Variants in CDK19 observed in about 807,000 individuals in gnomAD.
CDK19 encodes cyclin dependent kinase 19.
In CDK19, 20 loss-of-function variants were observed where a neutral mutation model predicts 68.3. The observed-to-expected ratio is 0.29, with a 90% CI of 0.21 to 0.43. The LOEUF is 0.43. CDK19 is among the 20% of genes least tolerant of loss of function. The pLI, the probability that CDK19 is intolerant of heterozygous loss-of-function variation, is 1.00. For missense variants in CDK19, 339 were observed against 623.5 expected (o/e 0.54, Z 4.86); for synonymous variants, 221 against 222.8 (o/e 0.99, Z 0.07).
At chr6:110,705,962 G>A (rs1329095099) in intron 2 of CDK19, among the ~76,000 whole-genome samples, 3 of 152,026 alleles carry the variant, frequency 2.0e-5, no homozygotes, top group Non-Finnish European at 4.4e-5. Context: ...AAACCTGCAC[G>A]TTCTACACAT....
At chr6:110,768,520 A>C (rs544631906) in intron 1 of CDK19, among the ~76,000 whole-genome samples, 7 of 152,346 alleles carry the variant, frequency 4.6e-5, no homozygotes, top group African/African-American at 1.7e-4. Context: ...GATAAACTTG[A>C]TATGTCCAGA....
intron 2 of CDK19, among the ~76,000 whole-genome samples, chr6:110,701,551 C>CA (rs1166831323): frequency 1.1e-3 from 139 of 123,430 alleles, no homozygotes; most frequent in East Asian, 1.4e-3. Context: ...GACTCTGTCT[C>CA]AAAAAAAAAA....
At chr6:110,650,316 C>T (rs1780883276) in intron 4 of CDK19, among the ~76,000 whole-genome samples, 2 of 152,126 alleles carry the variant, frequency 1.3e-5, no homozygotes, top group South Asian at 2.1e-4. Flanking sequence ...ACAGGGGAAA[C>T]ATAAACATAA....
intron 2 of CDK19, among the ~76,000 whole-genome samples, chr6:110,702,276 T>A (rs1051896396): frequency 2.0e-5 from 3 of 152,008 alleles, no homozygotes; most frequent in Admixed American, 1.3e-4. Context: ...TGAGACCTCA[T>A]CTCTACAAAA....
chr6:110,801,338 A>T (rs943869165), intron 1 of CDK19, among the ~76,000 whole-genome samples: 3 of 152,056 alleles, frequency 2.0e-5, no homozygotes, highest in African/African-American at 7.2e-5. Context: ...TTTAAAAAGT[A>T]GCCAGGCTTA....
chr6:110,744,429 G>A (rs903949650), intron 2 of CDK19, among the ~76,000 whole-genome samples: 4 of 152,080 alleles, frequency 2.6e-5, no homozygotes, highest in Admixed American at 2.6e-4. Context: ...CAGCACTTTG[G>A]GAGGCCAAGG....
In CDK19 at chr6:110,788,076, G is replaced by A. The variant is rs189426914; in HGVS notation, c.128+26933C>T. Among the ~76,000 whole-genome samples, 446 of 152,228 alleles carry A rather than the reference G, an allele frequency of 2.9e-3. 4 individuals are homozygous for A. The highest frequency in any genetic ancestry group is 9.9e-3 in the African/African-American group (412 of 41,542). ...GCTGGTCTTGAACTCCTGACCTCACGTGATCTGCCCACCTCGGCCTCCCAA... is the reference window on the plus strand; with the variant it reads ...GCTGGTCTTGAACTCCTGACCTCACATGATCTGCCCACCTCGGCCTCCCAA... On this transcript the variant is annotated intron_variant, in intron 1 of 12. Coordinates refer to ENST00000368911, the MANE Select transcript of CDK19 (RefSeq NM_015076.5).
At chr6:110,713,091 G>A (rs998322132) in intron 2 of CDK19, among the ~76,000 whole-genome samples, 2 of 151,780 alleles carry the variant, frequency 1.3e-5, no homozygotes, top group Non-Finnish European at 2.9e-5. Context: ...CAGCTACTTA[G>A]GAGGCTGACA....
At chr6:110,772,567 A>G (rs1385895128) in intron 1 of CDK19, among the ~76,000 whole-genome samples, 3 of 152,220 alleles carry the variant, frequency 2.0e-5, no homozygotes, top group Non-Finnish European at 4.4e-5. Flanking sequence ...TTCAGAATCT[A>G]TCTAAAAACT....
chr6:110,746,275 G>A, intron 1 of CDK19, 74 bp from the exon 2 acceptor site: 2 of 828,826 alleles, frequency 2.4e-6, no homozygotes, highest in Non-Finnish European at 3.9e-6. Flanking sequence ...CAAAAACAAT[G>A]GAAATGCACT....
rs1770903879 is a variant in CDK19, at chr6:110,670,534, C to T, written c.212G>A (p.Arg71Gln). The T allele has an allele frequency of 2.5e-6, 4 of 1,601,868 alleles. No homozygotes were observed. The highest frequency in any genetic ancestry group is 3.4e-6 in the Non-Finnish European group (4 of 1,169,004). ...MSACREIALLRELKHPNVIAL... is the reference protein window; with the variant it reads ...MSACREIALLQELKHPNVIAL... ...AATCACATTAGGGTGCTTCAATTCT[C>T]GCAAAAGCTGAATGCAAAAGAAAGA... The change falls in exon 3 of 13, where the codon CGA (arginine) becomes CAA (glutamine). Residue 71 changes from arginine to glutamine, a missense_variant. Physicochemically the swap from Arg to Gln is conservative, Grantham distance 43. Coordinates refer to ENST00000368911, the MANE Select transcript of CDK19 (RefSeq NM_015076.5).
intron 1 of CDK19, among the ~76,000 whole-genome samples, chr6:110,781,990 A>G (rs921660534): frequency 2.2e-4 from 33 of 152,206 alleles, no homozygotes; most frequent in Non-Finnish European, 3.5e-4. Context: ...AACTTTGTGA[A>G]GTTTAAAAGC....
At chr6:110,641,639 G>A in intron 4 of CDK19, among the ~76,000 whole-genome samples, 1 of 89,802 alleles carries the variant, frequency 1.1e-5, no homozygotes, top group East Asian at 3.6e-4. Flanking sequence ...AAGGAGGAAA[G>A]GGAAAGAAAG....
At position 110,759,784 on chromosome 6, in the gene CDK19, C is replaced by A. The variant is rs796598413; in HGVS notation, c.129-13583G>T. ...TTCCATATAAATTGACCTGAATTCA[C>A]CTGTATGAAAGGTCAGGTTAACCTG... On this transcript the variant is annotated intron_variant, in intron 1 of 12. Coordinates refer to ENST00000368911, the MANE Select transcript of CDK19 (RefSeq NM_015076.5). 5.3e-5 allele frequency among the ~76,000 whole-genome samples: 8 copies of A among 151,906 alleles called. No homozygotes were observed. The South Asian group carries it at 1.3e-3, about 24-fold the overall frequency.
At chr6:110,804,030 G>A (rs956555259) in intron 1 of CDK19, among the ~76,000 whole-genome samples, 2 of 152,074 alleles carry the variant, frequency 1.3e-5, no homozygotes, top group East Asian at 1.9e-4. Context: ...AGAAAGGGAC[G>A]GAGGGAGGGA....
At chr6:110,815,622 G>T, upstream of CDK19, 1 of 153,140 alleles carries the variant, frequency 6.5e-6, no homozygotes, top group Non-Finnish European at 1.5e-5. Flanking sequence ...TGCGTACCAG[G>T]GCCGCCCCTC....
intron 2 of CDK19, among the ~76,000 whole-genome samples, chr6:110,723,090 A>G (rs1776034655): frequency 6.7e-6 from 1 of 149,482 alleles, no homozygotes; most frequent in African/African-American, 2.5e-5. Flanking sequence ...CTTGTAACCA[A>G]TAGAAGGCTG....
At chr6:110,713,946 T>C (rs1775167321) in intron 2 of CDK19, among the ~76,000 whole-genome samples, 1 of 152,206 alleles carries the variant, frequency 6.6e-6, no homozygotes, top group Non-Finnish European at 1.5e-5. Flanking sequence ...AAATTTCACA[T>C]AACATAAACT....
rs574462267 is a variant in CDK19 at position 110,685,125 on chromosome 6, G to A, written c.205-14584C>T. On this transcript the variant is annotated intron_variant, in intron 2 of 12. Coordinates refer to ENST00000368911, the MANE Select transcript of CDK19 (RefSeq NM_015076.5). ...TGCATTCCAGCCTGGGCGACACAGC[G>A]AAACTCTGTCTCAAAAAAAAAGAAA... Among the ~76,000 whole-genome samples the A allele has an allele frequency of 1.8e-4, 27 of 152,082 alleles. 1 individual carries two copies. The highest frequency in any genetic ancestry group is 1.5e-3 in the Admixed American group (23 of 15,272).
Sources: gnomAD v4.1 joint callset for allele counts (sites outside exome capture counted in the v4.1 genomes callset) on GRCh38, gnomAD v4.1.1 for gene constraint, MANE v1.5 for transcripts, NCBI Gene and HGNC (gene_info 2026-07-23, HGNC 2026-07-21) for gene names.